Variants in CNTN5 observed in about 807,000 individuals in gnomAD.
CNTN5 encodes the protein contactin 5.
A neutral mutation model predicts 129.1 loss-of-function variants in CNTN5; 77 were observed. That is an observed-to-expected ratio of 0.60 (90% CI 0.50 to 0.72). The LOEUF (loss-of-function observed/expected upper bound fraction) is 0.72, where lower values mean the gene tolerates loss of function less well. Among genes scored for constraint, CNTN5 ranks in the 30% least tolerant of loss-of-function variants. The pLI is 0.00. For missense variants in CNTN5, 1,478 were observed against 1,328.8 expected (o/e 1.11, Z -1.75); for synonymous variants, 509 against 465.6 (o/e 1.09, Z -1.20).
At chr11:100,145,054 T>C (rs1329126276) in intron 13 of CNTN5, among the ~76,000 whole-genome samples, 2 of 152,142 alleles carry the variant, frequency 1.3e-5, no homozygotes, top group Non-Finnish European at 2.9e-5. Flanking sequence ...CTGTCTTTTT[T>C]AACTAGATTC....
At chr11:99,458,085 A>G (rs1025119170) in intron 2 of CNTN5, among the ~76,000 whole-genome samples, 9 of 151,960 alleles carry the variant, frequency 5.9e-5, no homozygotes, top group Non-Finnish European at 1.2e-4. Flanking sequence ...ATTGTGACAA[A>G]TTAATAACAA....
At chr11:99,082,960 T>G (rs1310603955) in intron 1 of CNTN5, among the ~76,000 whole-genome samples, 2 of 152,094 alleles carry the variant, frequency 1.3e-5, no homozygotes, top group Admixed American at 6.6e-5. Flanking sequence ...ATTTTAGGAT[T>G]ATGGTAATTA....
At chr11:99,735,855 C>T (rs1170389962) in intron 3 of CNTN5, among the ~76,000 whole-genome samples, 2 of 152,152 alleles carry the variant, frequency 1.3e-5, no homozygotes, top group African/African-American at 4.8e-5. Flanking sequence ...TTGTTAACTA[C>T]AGTCACGTTG....
chr11:99,494,035 T>C (rs1946134370), intron 2 of CNTN5, among the ~76,000 whole-genome samples: 1 of 152,200 alleles, frequency 6.6e-6, no homozygotes, highest in Admixed American at 6.5e-5. Flanking sequence ...AAAAGAAATA[T>C]TGCAGAAAGT....
At position 99,155,631 on chromosome 11, in the gene CNTN5, G is replaced by T. The variant is rs981383293; in HGVS notation, c.-210+134361G>T. The stretch of plus-strand genomic sequence containing the variant: ...TGGTAACTGAAATTTAAATTTTATT[G>T]TTGCTAGGCTGGCATCATTTAACTT... On this transcript the variant is annotated intron_variant, in intron 1 of 24. Coordinates refer to ENST00000524871, the MANE Select transcript of CNTN5 (RefSeq NM_014361.4). 3.3e-5 allele frequency among the ~76,000 whole-genome samples: 5 copies of T among 151,814 alleles called. No individual in the cohort carries two copies. The East Asian group carries it at 7.7e-4, about 23-fold the overall frequency.
chr11:100,222,185 C>T (rs1401378160), intron 15 of CNTN5, among the ~76,000 whole-genome samples: 1 of 152,112 alleles, frequency 6.6e-6, no homozygotes, highest in Admixed American at 6.5e-5. Context: ...CAAAATGAGA[C>T]GATTTTAACT....
At chr11:99,740,489 C>T (rs182526872) in intron 3 of CNTN5, among the ~76,000 whole-genome samples, 24 of 152,200 alleles carry the variant, frequency 1.6e-4, no homozygotes, top group African/African-American at 4.6e-4. Flanking sequence ...TGGAATTATC[C>T]GTTTTTGAAG....
chr11:99,692,126 A>T (rs1391472807), intron 3 of CNTN5, among the ~76,000 whole-genome samples: 2 of 151,828 alleles, frequency 1.3e-5, no homozygotes, highest in Non-Finnish European at 2.9e-5. Context: ...TTTTCGGCCT[A>T]TGTGTGTCTT....
chr11:99,987,886 C>G (rs1194172063), intron 8 of CNTN5, among the ~76,000 whole-genome samples: 1 of 152,160 alleles, frequency 6.6e-6, no homozygotes, highest in Non-Finnish European at 1.5e-5. Flanking sequence ...ACTATCGTAT[C>G]TACCTTACTG....
intron 3 of CNTN5, among the ~76,000 whole-genome samples, chr11:99,631,723 C>CACAG (rs869051830): frequency 1.3e-5 from 2 of 151,676 alleles, no homozygotes; most frequent in Non-Finnish European, 2.9e-5. Flanking sequence ...CAAAGACACA[C>CACAG]ACATACAAAC....
At chr11:100,160,228 A>G (rs1947399928) in intron 13 of CNTN5, among the ~76,000 whole-genome samples, 1 of 151,952 alleles carries the variant, frequency 6.6e-6, no homozygotes, top group Non-Finnish European at 1.5e-5. Flanking sequence ...AGCATCATCC[A>G]TGTCCCTGCA....
At position 100,356,346 on chromosome 11, in the gene CNTN5, G is replaced by A; in HGVS notation, c.*126G>A. On this transcript the variant is annotated 3_prime_UTR_variant, in exon 25 of 25. Transcript: ENST00000524871. ...CTTTAAAAACTTGGGACTATACATG[G>A]TGAACTTACAGGAGGTTAGGGGGGA... 5.8e-6 allele frequency: 4 copies of A among 692,530 alleles called. No individual in the cohort carries two copies. The highest frequency in any genetic ancestry group is 1.0e-5 in the Non-Finnish European group (4 of 391,628). The allele number at this position is 692,530 out of a possible 1,614,324, so 42.9% of individuals were successfully genotyped here. A position where few individuals can be genotyped will look rare whatever the true frequency, so the allele number is the denominator to read the frequency against.
Position 100,247,958 on chromosome 11 carries a change from A to G in CNTN5, c.2006-7802A>G, listed in dbSNP as rs1024112339. Among the ~76,000 whole-genome samples, 4 of 152,192 alleles carry G rather than the reference A, an allele frequency of 2.6e-5. No individual in the cohort carries two copies. The South Asian group carries it at 8.3e-4, about 32-fold the overall frequency. ...TCAATTTATCTCTCTGCATTAATCT[A>G]ATCTTCCAGACAGTAGCTAAACCTC... On this transcript the variant is annotated intron_variant, in intron 16 of 24. Coordinates refer to ENST00000524871, the MANE Select transcript of CNTN5 (RefSeq NM_014361.4).
At chr11:99,437,690 G>A (rs899844130) in intron 2 of CNTN5, among the ~76,000 whole-genome samples, 1 of 152,080 alleles carries the variant, frequency 6.6e-6, no homozygotes, top group Non-Finnish European at 1.5e-5. Flanking sequence ...TAGCCGGGTG[G>A]CATGCGCCTG....
chr11:100,236,394 G>A (rs568478187), intron 16 of CNTN5, among the ~76,000 whole-genome samples: 8 of 152,108 alleles, frequency 5.3e-5, no homozygotes, highest in South Asian at 2.1e-4. Context: ...GAAGTTTCCC[G>A]CCTGACTGCT....
At chr11:99,163,233 A>G (rs945261730) in intron 1 of CNTN5, among the ~76,000 whole-genome samples, 2 of 152,166 alleles carry the variant, frequency 1.3e-5, no homozygotes, top group Non-Finnish European at 2.9e-5. Context: ...TTACTGAGAT[A>G]TGACTTCTTA....
intron 18 of CNTN5, among the ~76,000 whole-genome samples, chr11:100,282,035 TTTTGA>T (rs1950651952): frequency 3.3e-5 from 5 of 151,932 alleles, no homozygotes; most frequent in Non-Finnish European, 7.4e-5. Flanking sequence ...ATAACAGCTA[TTTTGA>T]TTTATCTGTC....
At chr11:99,967,522 T>C (rs1951127552) in intron 8 of CNTN5, among the ~76,000 whole-genome samples, 1 of 152,148 alleles carries the variant, frequency 6.6e-6, no homozygotes, top group Admixed American at 6.6e-5. Context: ...CCTGTCCTTG[T>C]TCAGCATCCT....
intron 2 of CNTN5, among the ~76,000 whole-genome samples, chr11:99,423,544 C>A (rs983128752): frequency 6.6e-6 from 1 of 152,184 alleles, no homozygotes. Flanking sequence ...AAAATGGGAA[C>A]GGAGGAAAAT....
Sources: allele counts gnomAD v4.1 joint callset (sites outside exome capture counted in the v4.1 genomes callset), GRCh38; gene constraint gnomAD v4.1.1; transcripts MANE v1.5; gene names NCBI Gene and HGNC (gene_info 2026-07-23, HGNC 2026-07-21).